Variants in GPLD1 observed in about 807,000 individuals in gnomAD.
GPLD1 encodes phosphatidylinositol-glycan-specific phospholipase D.
In GPLD1, 84 loss-of-function variants were observed where a neutral mutation model predicts 112.6. The ratio of observed to expected loss-of-function variants is 0.75; its 90% confidence interval spans 0.63 to 0.89. The LOEUF is 0.89. Among genes scored for constraint, GPLD1 ranks in the 40% least tolerant of loss-of-function variants. The probability of loss-of-function intolerance (pLI) is 0.00; values close to 1 mark genes in which losing one functional copy is unlikely to be tolerated. For synonymous variants in GPLD1, 386 were observed against 403.8 expected (o/e 0.96, Z 0.53); for missense variants, 1,044 against 1,051.5 (o/e 0.99, Z 0.10).
At chr6:24,467,872 T>C (rs1763668800) in intron 7 of GPLD1, among the ~76,000 whole-genome samples, 1 of 151,950 alleles carries the variant, frequency 6.6e-6, no homozygotes, top group South Asian at 2.1e-4. Context: ...AATCTATTTC[T>C]GTGTGGTTTC....
intron 2 of GPLD1, among the ~76,000 whole-genome samples, chr6:24,484,498 G>A (rs548766919): frequency 2.6e-5 from 4 of 152,362 alleles, no homozygotes; most frequent in East Asian, 1.9e-4. Context: ...TCACAGGCAT[G>A]AGCCATCACG....
chr6:24,478,492 G>A (rs1764095700), intron 3 of GPLD1, among the ~76,000 whole-genome samples: 1 of 151,460 alleles, frequency 6.6e-6, no homozygotes, highest in Non-Finnish European at 1.5e-5. Flanking sequence ...CCAGCGTGCT[G>A]GGGGCCTCCA....
chr6:24,429,157 A>G (rs759600934), intron 24 of GPLD1, 39 bp from the exon 25 acceptor site: 3 of 1,315,244 alleles, frequency 2.3e-6, no homozygotes, highest in Non-Finnish European at 3.3e-6. Context: ...GCTCATTCAT[A>G]ACATCTATTG....
intron 1 of GPLD1, among the ~76,000 whole-genome samples, 173 bp from the exon 2 acceptor site, chr6:24,486,303 G>A (rs1764372910): frequency 6.6e-6 from 1 of 152,194 alleles, no homozygotes; most frequent in Non-Finnish European, 1.5e-5. Flanking sequence ...GGCTTGTGCA[G>A]TATTTCTATT....
At chr6:24,469,191 T>C (rs1313071398) in intron 7 of GPLD1, among the ~76,000 whole-genome samples, 1 of 151,522 alleles carries the variant, frequency 6.6e-6, no homozygotes, top group Non-Finnish European at 1.5e-5. Context: ...GACTGTAAAC[T>C]AGTTCAACCA....
At chr6:24,473,763 T>C (rs1446193286) in intron 5 of GPLD1, 96 bp from the exon 6 acceptor site, 1 of 721,280 alleles carries the variant, frequency 1.4e-6, no homozygotes, top group Non-Finnish European at 2.5e-6. Flanking sequence ...GACAGCTAAC[T>C]CAATGAACTG....
At position 24,449,888 on chromosome 6, in the gene GPLD1, C is replaced by T; in HGVS notation, c.1347G>A (p.Arg449=). ...CCAACACAGCCAAGGCCGAGCCAAACCGACCTGAGGGCTGAAGAGGCACAA... is the reference window on the plus strand; with the variant it reads ...CCAACACAGCCAAGGCCGAGCCAAATCGACCTGAGGGCTGAAGAGGCACAA... ...RILEGFQPSG[R]FGSALAVLDF... The change falls in exon 15 of 25, where the codon CGG becomes CGA. Residue 449 remains arginine (R), a synonymous_variant. Transcript: ENST00000230036. 1 of 1,613,308 alleles carries T rather than the reference C, an allele frequency of 6.2e-7. No individual in the cohort carries two copies. The highest frequency in any genetic ancestry group is 8.5e-7 in the Non-Finnish European group (1 of 1,179,446).
At chr6:24,431,628 A>G (rs1762407597) in intron 24 of GPLD1, among the ~76,000 whole-genome samples, 1 of 150,408 alleles carries the variant, frequency 6.6e-6, no homozygotes, top group Non-Finnish European at 1.5e-5. Context: ...TCCACCTCCC[A>G]GGTTCAAGCG....
chr6:24,476,557 G>C (rs968908409), intron 3 of GPLD1, among the ~76,000 whole-genome samples: 1 of 152,204 alleles, frequency 6.6e-6, no homozygotes, highest in African/African-American at 2.4e-5. Flanking sequence ...CGGCTACCTG[G>C]TTAGAATAGA....
chr6:24,460,110 C>CA (rs1297480883), intron 12 of GPLD1, among the ~76,000 whole-genome samples, 169 bp downstream of exon 12: 1 of 152,128 alleles, frequency 6.6e-6, no homozygotes, highest in Admixed American at 6.6e-5. Context: ...GTTGCCCAGA[C>CA]AGGTCTCAAA....
At chr6:24,465,578 A>G (rs1331907386) in intron 10 of GPLD1, among the ~76,000 whole-genome samples, 1 of 152,034 alleles carries the variant, frequency 6.6e-6, no homozygotes, top group Non-Finnish European at 1.5e-5. Flanking sequence ...CTTAAAAAAA[A>G]AAGAAAAAGA....
chr6:24,452,949 G>A (rs535740555), intron 14 of GPLD1, among the ~76,000 whole-genome samples: 32 of 152,122 alleles, frequency 2.1e-4, no homozygotes, highest in Non-Finnish European at 3.4e-4. Flanking sequence ...TGCCAGGCCA[G>A]TATCACCAAA....
At chr6:24,466,570 A>ATTGTT (rs3830762) in intron 10 of GPLD1, 110 bp downstream of exon 10, 75,376 of 789,870 alleles carry the variant, frequency 0.095, 4,508 homozygotes, top group Middle Eastern at 0.18. Context: ...ACTTCATGAG[A>ATTGTT]TTGTTTTGTT....
rs1032346655 is a variant in GPLD1 at position 24,427,621 on chromosome 6, G to A, written c.*1411C>T. ...AGCACTTTGGGAGGTCAAGGTGGGTGGATCACCTGAGATCAGGAGTTCGAG... is the reference window on the plus strand; with the variant it reads ...AGCACTTTGGGAGGTCAAGGTGGGTAGATCACCTGAGATCAGGAGTTCGAG... On this transcript the variant is annotated 3_prime_UTR_variant, in exon 25 of 25. Transcript: ENST00000230036. Among the ~76,000 whole-genome samples, 5 of 152,066 alleles carry A rather than the reference G, an allele frequency of 3.3e-5. No homozygotes were observed. Among genetic ancestry groups the A allele is most frequent in the Admixed American group, 6.6e-5 (1 of 15,252 alleles).
intron 20 of GPLD1, among the ~76,000 whole-genome samples, chr6:24,444,682 C>T (rs1465249914): frequency 1.3e-5 from 2 of 151,886 alleles, no homozygotes; most frequent in Admixed American, 6.6e-5. Flanking sequence ...GAGACCCTCT[C>T]GCTACAAAAA....
At chr6:24,479,830 C>T (rs1364165347) in intron 3 of GPLD1, 51 bp downstream of exon 3, 3 of 938,790 alleles carry the variant, frequency 3.2e-6, no homozygotes, top group Non-Finnish European at 5.3e-6. Flanking sequence ...ATAGCTATTC[C>T]TATTAACCAA....
At chr6:24,477,879 G>A (rs1292247746) in intron 3 of GPLD1, among the ~76,000 whole-genome samples, 3 of 152,200 alleles carry the variant, frequency 2.0e-5, no homozygotes, top group Non-Finnish European at 2.9e-5. Context: ...GTATGTATGA[G>A]ACAAGGTAAA....
rs774272844 is a variant in GPLD1, at chr6:24,475,161, C to T, written c.401G>A (p.Ser134Asn). 14 of 1,611,608 alleles carry T rather than the reference C, an allele frequency of 8.7e-6. No homozygotes were observed. In the East Asian group the frequency reaches 2.5e-4, roughly 28 times the overall value. The change falls in exon 5 of 25, where the codon AGT becomes AAT. Residue 134 changes from serine to asparagine, a missense_variant. Transcript: ENST00000230036. ...AAGGAATCCTTGTTCAAGGCCCAGA[C>T]TATGCCAGCTGACATCTGCCGCCAT... ...SHMAADVSWH[S>N]LGLEQGFLRT...
At chr6:24,476,329 C>G (rs1034219591) in intron 3 of GPLD1, 51 bp from the exon 4 acceptor site, 21 of 920,902 alleles carry the variant, frequency 2.3e-5, no homozygotes, top group Non-Finnish European at 3.3e-5. Context: ...GTTGGAGAGT[C>G]TCAATCAAAT....
Sources: allele counts gnomAD v4.1 joint callset (sites outside exome capture counted in the v4.1 genomes callset), GRCh38; gene constraint gnomAD v4.1.1; transcripts MANE v1.5; gene names NCBI Gene and HGNC (gene_info 2026-07-23, HGNC 2026-07-21).